The following KCNH8 variants were observed in gnomAD, a reference collection of about 807,000 sequenced individuals.
The protein encoded by KCNH8 is voltage-gated delayed rectifier potassium channel KCNH8.
A neutral mutation model predicts 103.6 loss-of-function variants in KCNH8; 70 were observed. That is an observed-to-expected ratio of 0.68 (90% CI 0.56 to 0.82). The LOEUF is 0.82. Ranked by LOEUF, KCNH8 falls within the 40% of genes least tolerant of loss-of-function variation. The pLI is 0.00. For missense variants in KCNH8, 1,217 were observed against 1,329.9 expected (o/e 0.92, Z 1.32); for synonymous variants, 498 against 489.4 (o/e 1.02, Z -0.23).
rs1411178917 is a variant in KCNH8, at chr3:19,533,504, T to C, written c.2729T>C (p.Leu910Ser). 6.2e-7 allele frequency: 1 copy of C among 1,614,200 alleles called. No homozygotes were observed. Among genetic ancestry groups the C allele is most frequent in the Non-Finnish European group, 8.5e-7 (1 of 1,180,034 alleles). ...CAGCAGCCATCACGGTTTTGCTCTTTGCACAGCACCTCTGTGTGTCCCTCC... is the reference window on the plus strand; with the variant it reads ...CAGCAGCCATCACGGTTTTGCTCTTCGCACAGCACCTCTGTGTGTCCCTCC... ...SPQQPSRFCS[L>S]HSTSVCPSRE... The change falls in exon 16 of 16, where the codon TTG becomes TCG. Residue 910 changes from leucine (L) to serine (S), a missense_variant. Leu to Ser is a moderately radical substitution (Grantham distance 145). Around this residue, in one of 3 missense-constraint regions of KCNH8, gnomAD observed 558 missense variants for 495.8 expected, o/e 1.13. Transcript: ENST00000328405.
At chr3:19,170,275 C>T (rs147180972) in intron 1 of KCNH8, among the ~76,000 whole-genome samples, 8 of 152,240 alleles carry the variant, frequency 5.3e-5, no homozygotes, top group African/African-American at 1.4e-4. Flanking sequence ...GTTCCCTAAG[C>T]TCTATGTTTA....
intron 3 of KCNH8, among the ~76,000 whole-genome samples, chr3:19,284,508 GGT>G (rs66509260): frequency 0.15 from 20,651 of 136,354 alleles, 1,805 homozygotes; most frequent in African/African-American, 0.27. Context: ...TGGATCTGCT[GGT>G]GTGTGTGTGT....
At chr3:19,498,587 G>A (rs1182106082) in intron 11 of KCNH8, among the ~76,000 whole-genome samples, 1 of 152,124 alleles carries the variant, frequency 6.6e-6, no homozygotes, top group Non-Finnish European at 1.5e-5. Flanking sequence ...ACTCGTCAAA[G>A]TCATTCTCCA....
At chr3:19,202,833 TA>T (rs1187972485) in intron 1 of KCNH8, among the ~76,000 whole-genome samples, 1 of 152,104 alleles carries the variant, frequency 6.6e-6, no homozygotes, top group Non-Finnish European at 1.5e-5. Flanking sequence ...TTATAGTTAT[TA>T]AAAAATGTTG....
At chr3:19,162,616 A>T (rs2063245129) in intron 1 of KCNH8, among the ~76,000 whole-genome samples, 2 of 152,122 alleles carry the variant, frequency 1.3e-5, no homozygotes, top group Admixed American at 1.3e-4. Flanking sequence ...TATTAAAATG[A>T]TTTAATTTTT....
chr3:19,490,036 G>A (rs555484184), intron 11 of KCNH8, among the ~76,000 whole-genome samples: 62 of 152,310 alleles, frequency 4.1e-4, no homozygotes, highest in African/African-American at 1.5e-3. Context: ...TCATCCACAA[G>A]GGCCTGCTGT....
chr3:19,351,904 A>C (rs1239436500), intron 5 of KCNH8, among the ~76,000 whole-genome samples: 6 of 152,168 alleles, frequency 3.9e-5, no homozygotes, highest in African/African-American at 1.4e-4. Flanking sequence ...CTTAAATGTA[A>C]ATGGGCTAAA....
chr3:19,500,841 A>G (rs2068564927), intron 11 of KCNH8, among the ~76,000 whole-genome samples: 1 of 152,238 alleles, frequency 6.6e-6, no homozygotes, highest in South Asian at 2.1e-4. Flanking sequence ...AAGATCCAAA[A>G]TTGACACCCT....
In KCNH8 at chr3:19,190,548, G is replaced by C. The variant is rs73180802; in HGVS notation, c.76+41753G>C. Among the ~76,000 whole-genome samples, 966 of 152,072 alleles carry C rather than the reference G, an allele frequency of 6.4e-3. 6 individuals are homozygous for C. Among genetic ancestry groups the C allele is most frequent in the African/African-American group, 0.022 (914 of 41,540 alleles). ...TAAAATATATAAACCTGGCTGCTTT[G>C]ACGGAATATTTTTCCTGTAGTAGCT... On this transcript the variant is annotated intron_variant, in intron 1 of 15. Coordinates refer to ENST00000328405, the MANE Select transcript of KCNH8 (RefSeq NM_144633.3).
At chr3:19,528,737 T>TAACA (rs2125252749) in intron 15 of KCNH8, among the ~76,000 whole-genome samples, 1 of 152,202 alleles carries the variant, frequency 6.6e-6, no homozygotes, top group African/African-American at 2.4e-5. Context: ...AAAGGCAATA[T>TAACA]AACAACCAAA....
intron 2 of KCNH8, among the ~76,000 whole-genome samples, chr3:19,258,959 A>AAG (rs2064389277): frequency 7.8e-6 from 1 of 128,852 alleles, no homozygotes; most frequent in Non-Finnish European, 1.7e-5. Context: ...ATATATATAT[A>AAG]TATATATATA....
At chr3:19,366,690 C>A (rs1420664720) in intron 5 of KCNH8, among the ~76,000 whole-genome samples, 2 of 151,828 alleles carry the variant, frequency 1.3e-5, no homozygotes, top group Non-Finnish European at 2.9e-5. Flanking sequence ...AAATAAAATT[C>A]TACTCTCAAA....
At chr3:19,498,860 CCT>C (rs199761586) in intron 11 of KCNH8, among the ~76,000 whole-genome samples, 2,884 of 152,106 alleles carry the variant, frequency 0.019, 91 homozygotes, top group African/African-American at 0.066. Context: ...TCAGTCTGCC[CCT>C]GTTGGGGGGT....
At chr3:19,521,162 T>C (rs1162428847) in intron 15 of KCNH8, among the ~76,000 whole-genome samples, 5 of 151,940 alleles carry the variant, frequency 3.3e-5, no homozygotes, top group Non-Finnish European at 1.5e-5. Context: ...TTAGAGTGCA[T>C]TCTCATTTCT....
In KCNH8 at chr3:19,297,483, C is replaced by T. The variant is rs181152621; in HGVS notation, c.442+16154C>T. On this transcript the variant is annotated intron_variant, in intron 3 of 15. Coordinates refer to ENST00000328405, the MANE Select transcript of KCNH8 (RefSeq NM_144633.3). ...AAGCTATGCCACTAGATGATGACTT[C>T]CTGAATAGATAGTTCAGCTTTTTAT... is the stretch of plus-strand genomic sequence containing the variant. Among the ~76,000 whole-genome samples the T allele has an allele frequency of 8.4e-3, 1,277 of 152,178 alleles. 9 individuals carry two copies. The highest frequency in any genetic ancestry group is 0.014 in the South Asian group (66 of 4,816).
chr3:19,382,042 T>C (rs1333150179), intron 5 of KCNH8, among the ~76,000 whole-genome samples: 1 of 152,146 alleles, frequency 6.6e-6, no homozygotes, highest in Admixed American at 6.5e-5. Flanking sequence ...ATGGTTAGCT[T>C]TGGCAAATTC....
chr3:19,163,406 A>T (rs373305589), intron 1 of KCNH8, among the ~76,000 whole-genome samples: 2,873 of 151,700 alleles, frequency 0.019, 98 homozygotes, highest in African/African-American at 0.063. Context: ...AAAGAATTAT[A>T]TTATTATTTA....
At chr3:19,446,640 C>G (rs1218404989) in intron 8 of KCNH8, among the ~76,000 whole-genome samples, 5 of 151,910 alleles carry the variant, frequency 3.3e-5, no homozygotes, top group Non-Finnish European at 7.4e-5. Context: ...TACCCAAAAC[C>G]TGAGCTCTGG....
intron 1 of KCNH8, among the ~76,000 whole-genome samples, chr3:19,176,787 T>TAA (rs1415778907): frequency 2.0e-5 from 3 of 152,154 alleles, no homozygotes; most frequent in African/African-American, 7.2e-5. Flanking sequence ...TTGTGTTAGT[T>TAA]ATGCTCTATA....
Sources: allele counts gnomAD v4.1 joint callset (sites outside exome capture counted in the v4.1 genomes callset), GRCh38; gene constraint gnomAD v4.1.1; regional missense constraint gnomAD v4.1.1; transcripts MANE v1.5; gene names NCBI Gene and HGNC (gene_info 2026-07-23, HGNC 2026-07-21).